The following LRRTM4 variants were observed in gnomAD, a reference collection of about 807,000 sequenced individuals.
LRRTM4 encodes leucine-rich repeat transmembrane neuronal protein 4.
A neutral mutation model predicts 47.6 loss-of-function variants in LRRTM4; 25 were observed. The observed-to-expected ratio is 0.53, with a 90% CI of 0.38 to 0.73. The LOEUF is 0.73. LRRTM4 is among the 30% of genes least tolerant of loss of function. The pLI, the probability that LRRTM4 is intolerant of heterozygous loss-of-function variation, is 0.00. For synonymous variants in LRRTM4, 311 were observed against 269.5 expected, an observed-to-expected ratio of 1.15 and a Z score of -1.51; for missense variants, 638 against 713.4, an observed-to-expected ratio of 0.89 and a Z score of 1.20.
intron 3 of LRRTM4, among the ~76,000 whole-genome samples, chr2:76,822,235 A>G (rs1364393090): frequency 6.6e-6 from 1 of 151,556 alleles, no homozygotes; most frequent in Non-Finnish European, 1.5e-5. Flanking sequence ...GCTAAAAACA[A>G]GAGATACTAA....
In LRRTM4 at chr2:77,101,821, C is replaced by T. The variant is rs144079795; in HGVS notation, c.1552-352905G>A. ...ACTGTTTTTAATAATCTTGTTTGTA[C>T]ATTAATATTTTCAGTTTGTTTAATC... On this transcript the variant is annotated intron_variant, in intron 3 of 3. Coordinates refer to ENST00000409884, the MANE Select transcript of LRRTM4 (RefSeq NM_001134745.3). Among the ~76,000 whole-genome samples the T allele has an allele frequency of 5.3e-5, 8 of 152,274 alleles. No homozygotes were observed. The East Asian group carries it at 5.8e-4, about 11-fold the overall frequency.
intron 3 of LRRTM4, among the ~76,000 whole-genome samples, chr2:76,796,222 C>A (rs1401699664): frequency 1.7e-5 from 2 of 120,072 alleles, no homozygotes; most frequent in Non-Finnish European, 3.4e-5. Flanking sequence ...AACTGCAAGG[C>A]GGCAGCCAGG....
At chr2:76,980,109 CTAAAA>C (rs1345919336) in intron 3 of LRRTM4, among the ~76,000 whole-genome samples, 2 of 152,054 alleles carry the variant, frequency 1.3e-5, no homozygotes, top group East Asian at 3.9e-4. Flanking sequence ...AATACATAAA[CTAAAA>C]TATTACAAGT....
chr2:77,427,282 T>G (rs1235376568), intron 3 of LRRTM4, among the ~76,000 whole-genome samples: 2 of 152,288 alleles, frequency 1.3e-5, no homozygotes, highest in African/African-American at 2.4e-5. Context: ...CGGCCTAGCT[T>G]TATTCTTCTC....
In LRRTM4 at chr2:77,199,498, C is replaced by CTGTTT. The variant is rs554428745; in HGVS notation, c.1551+318815_1551+318819dup. ...CTAATTTTGGATTTGTCATTTTTCT[C>CTGTTT]TGTTTTGTTTTGTTTTGTTTCCTTT... On this transcript the variant is annotated intron_variant, in intron 3 of 3. Coordinates refer to ENST00000409884, the MANE Select transcript of LRRTM4 (RefSeq NM_001134745.3). 6.4e-4 allele frequency among the ~76,000 whole-genome samples: 98 copies of CTGTTT among 152,058 alleles called. 2 individuals are homozygous for CTGTTT. In the South Asian group the frequency reaches 0.018, roughly 28 times the overall value.
chr2:77,150,208 T>C (rs1173924893), intron 3 of LRRTM4, among the ~76,000 whole-genome samples: 2 of 152,166 alleles, frequency 1.3e-5, no homozygotes, highest in Non-Finnish European at 2.9e-5. Flanking sequence ...ACTAAGATTA[T>C]AATTAAAGGA....
At chr2:76,786,954 G>T (rs1306909165) in intron 3 of LRRTM4, among the ~76,000 whole-genome samples, 1 of 151,970 alleles carries the variant, frequency 6.6e-6, no homozygotes, top group Non-Finnish European at 1.5e-5. Flanking sequence ...TGTTTGTTAG[G>T]CACAAAATTT....
chr2:77,153,299 G>T (rs139899942), intron 3 of LRRTM4, among the ~76,000 whole-genome samples: 388 of 152,216 alleles, frequency 2.5e-3, no homozygotes, highest in Middle Eastern at 6.8e-3. Flanking sequence ...ATGCTTTCCT[G>T]CCCACGTTTT....
At chr2:76,927,343 AG>A (rs1674620018) in intron 3 of LRRTM4, among the ~76,000 whole-genome samples, 1 of 152,120 alleles carries the variant, frequency 6.6e-6, no homozygotes, top group South Asian at 2.1e-4. Flanking sequence ...TTAGACCTTG[AG>A]GGGATTAAAA....
At chr2:76,970,540 C>T (rs536284190) in intron 3 of LRRTM4, among the ~76,000 whole-genome samples, 1 of 152,120 alleles carries the variant, frequency 6.6e-6, no homozygotes, top group South Asian at 2.1e-4. Flanking sequence ...TATCATATGA[C>T]TATTAAAAAT....
chr2:76,879,806 A>G (rs1000986796), intron 3 of LRRTM4, among the ~76,000 whole-genome samples: 19 of 152,230 alleles, frequency 1.2e-4, no homozygotes, highest in African/African-American at 4.1e-4. Context: ...TTGATTTACA[A>G]AAGGCAGTCA....
In LRRTM4 at chr2:76,748,655, C is replaced by A. The variant is rs375442117; in HGVS notation, c.*40G>T. The A allele has an allele frequency of 6.8e-5, 83 of 1,227,974 alleles. No homozygotes were observed. Among genetic ancestry groups the A allele is most frequent in the Non-Finnish European group, 8.5e-5 (72 of 845,614 alleles). The allele number at this position is 1,227,974 out of a possible 1,614,324, so 76.1% of individuals were successfully genotyped here. A position where few individuals can be genotyped will look rare whatever the true frequency, so the allele number is the denominator to read the frequency against. On this transcript the variant is annotated 3_prime_UTR_variant, in exon 4 of 4. Coordinates refer to ENST00000409884, the MANE Select transcript of LRRTM4 (RefSeq NM_001134745.3). ...CTCCTTTAAGATGAAGGCCCTCCCT[C>A]CCCCCCATGGAGCTCCCCAGTGAGG...
At chr2:77,378,600 A>G (rs1433704274) in intron 3 of LRRTM4, among the ~76,000 whole-genome samples, 2 of 152,172 alleles carry the variant, frequency 1.3e-5, no homozygotes, top group African/African-American at 4.8e-5. Flanking sequence ...GTGCTTGGAT[A>G]CAATCTGTAT....
At chr2:77,075,497 C>T (rs1157387868) in intron 3 of LRRTM4, among the ~76,000 whole-genome samples, 1 of 152,136 alleles carries the variant, frequency 6.6e-6, no homozygotes, top group African/African-American at 2.4e-5. Flanking sequence ...AATACTAATA[C>T]TACTACTTAG....
chr2:76,799,003 G>A lies in LRRTM4; in HGVS notation c.1552-50087C>T, dbSNP rs1224930442. 4.0e-5 allele frequency among the ~76,000 whole-genome samples: 6 copies of A among 150,720 alleles called. No homozygotes were observed. In the East Asian group the frequency reaches 1.2e-3, roughly 30 times the overall value. On this transcript the variant is annotated intron_variant, in intron 3 of 3. Coordinates refer to ENST00000409884, the MANE Select transcript of LRRTM4 (RefSeq NM_001134745.3). ...GAGTCCAGGACCAGATGGATTCACA[G>A]CCGAATTCTACCAGAGGTATAAGGA...
At chr2:77,418,319 T>C (rs551329218) in intron 3 of LRRTM4, among the ~76,000 whole-genome samples, 2 of 152,178 alleles carry the variant, frequency 1.3e-5, no homozygotes, top group Non-Finnish European at 2.9e-5. Context: ...TTGGTATACT[T>C]TTGTCCATTT....
intron 3 of LRRTM4, among the ~76,000 whole-genome samples, chr2:76,775,259 T>A (rs79902005): frequency 6.6e-6 from 1 of 152,196 alleles, no homozygotes; most frequent in African/African-American, 2.4e-5. Context: ...CCTTCCAGAC[T>A]TTCATAATGT....
intron 3 of LRRTM4, among the ~76,000 whole-genome samples, chr2:76,907,637 G>A (rs1396867256): frequency 0.023 from 2,452 of 105,388 alleles, 31 homozygotes; most frequent in Admixed American, 0.033. Flanking sequence ...TCAAATAGAC[G>A]CAATAAAAAA....
At chr2:77,507,589 C>A (rs1678823512) in intron 3 of LRRTM4, among the ~76,000 whole-genome samples, 1 of 151,896 alleles carries the variant, frequency 6.6e-6, no homozygotes, top group Admixed American at 6.6e-5. Context: ...AATTCCCTTA[C>A]CTCTCAAGTT....
Sources: allele counts gnomAD v4.1 joint callset (sites outside exome capture counted in the v4.1 genomes callset), GRCh38; gene constraint gnomAD v4.1.1; transcripts MANE v1.5; gene names NCBI Gene and HGNC (gene_info 2026-07-23, HGNC 2026-07-21).